The following DPP10 variants were observed in gnomAD, a reference collection of about 807,000 sequenced individuals.
DPP10 encodes the protein inactive dipeptidyl peptidase 10.
In DPP10, 33 loss-of-function variants were observed where a neutral mutation model predicts 120.9. The observed-to-expected ratio is 0.27, with a 90% CI of 0.21 to 0.37. The LOEUF (loss-of-function observed/expected upper bound fraction) is 0.37, where lower values mean the gene tolerates loss of function less well. Ranked by LOEUF, DPP10 falls within the 10% of genes least tolerant of loss-of-function variation. DPP10 has a pLI of 1.00. For synonymous variants in DPP10, 337 were observed against 326.1 expected, an observed-to-expected ratio of 1.03 and a Z score of -0.36; for missense variants, 816 against 942.8, an observed-to-expected ratio of 0.87 and a Z score of 1.76.
chr2:115,348,803 T>TAAAGG (rs2063843257), intron 3 of DPP10, among the ~76,000 whole-genome samples: 1 of 152,158 alleles, frequency 6.6e-6, no homozygotes, highest in Admixed American at 6.6e-5. Flanking sequence ...GTGTGTCCTT[T>TAAAGG]ACTCACCCCA....
intron 3 of DPP10, among the ~76,000 whole-genome samples, chr2:115,381,592 G>T (rs968028391): frequency 7.2e-5 from 11 of 152,214 alleles, no homozygotes; most frequent in African/African-American, 2.4e-4. Context: ...TCCATTGCTG[G>T]TGAGGAACTG....
intron 1 of DPP10, among the ~76,000 whole-genome samples, chr2:114,788,560 C>T (rs756925856): frequency 2.0e-5 from 3 of 152,054 alleles, no homozygotes; most frequent in African/African-American, 4.8e-5. Context: ...GGACTACAGG[C>T]GCCCACCACC....
chr2:115,326,632 A>G (rs2062381499), intron 2 of DPP10, among the ~76,000 whole-genome samples: 2 of 152,038 alleles, frequency 1.3e-5, no homozygotes, highest in Admixed American at 6.6e-5. Flanking sequence ...GGAATAGGAT[A>G]TGAAGGTGGA....
chr2:114,495,191 A>G (rs545410746), intron 1 of DPP10, among the ~76,000 whole-genome samples: 11 of 152,296 alleles, frequency 7.2e-5, no homozygotes, highest in African/African-American at 2.6e-4. Flanking sequence ...TTATTGCTTA[A>G]AAGATGTCCT....
At chr2:115,803,398 G>A (rs561729147) in intron 19 of DPP10, among the ~76,000 whole-genome samples, 2 of 152,256 alleles carry the variant, frequency 1.3e-5, no homozygotes, top group Admixed American at 6.5e-5. Context: ...TTGACAGTCT[G>A]TGCCTTTTAA....
intron 1 of DPP10, among the ~76,000 whole-genome samples, chr2:114,571,636 A>G (rs1251750557): frequency 6.6e-6 from 1 of 152,138 alleles, no homozygotes; most frequent in Non-Finnish European, 1.5e-5. Context: ...ACGTCTCTAC[A>G]GAAAAATGTG....
At chr2:114,919,431 A>G (rs2106636236) in intron 1 of DPP10, among the ~76,000 whole-genome samples, 1 of 152,344 alleles carries the variant, frequency 6.6e-6, no homozygotes, top group African/African-American at 2.4e-5. Flanking sequence ...TAGCTCACAA[A>G]CTAGTCTTTT....
At chr2:115,055,339 T>G (rs927663900) in intron 1 of DPP10, among the ~76,000 whole-genome samples, 1 of 152,190 alleles carries the variant, frequency 6.6e-6, no homozygotes, top group African/African-American at 2.4e-5. Flanking sequence ...GCAATACTAA[T>G]AAAACTTACT....
intron 3 of DPP10, among the ~76,000 whole-genome samples, chr2:115,388,760 C>A (rs1021841506): frequency 6.6e-6 from 1 of 152,120 alleles, no homozygotes; most frequent in African/African-American, 2.4e-5. Flanking sequence ...GTGCTCAGTG[C>A]ATTCTGGAGA....
intron 1 of DPP10, among the ~76,000 whole-genome samples, chr2:115,214,243 T>A (rs1280164737): frequency 6.6e-6 from 1 of 152,188 alleles, no homozygotes; most frequent in Non-Finnish European, 1.5e-5. Flanking sequence ...GAAAGCTACA[T>A]CCCATGAAGA....
At chr2:115,270,115 G>GACACAC (rs1559343030) in intron 1 of DPP10, among the ~76,000 whole-genome samples, 1 of 70,462 alleles carries the variant, frequency 1.4e-5, no homozygotes, top group African/African-American at 6.1e-5. Flanking sequence ...CACACACACA[G>GACACAC]ACACACACAC....
intron 1 of DPP10, among the ~76,000 whole-genome samples, chr2:114,559,533 G>C (rs1688584971): frequency 6.6e-6 from 1 of 152,158 alleles, no homozygotes; most frequent in South Asian, 2.1e-4. Flanking sequence ...CACTAATTTT[G>C]TGGTAATTTG....
At chr2:114,896,539 C>G (rs1441305181) in intron 1 of DPP10, among the ~76,000 whole-genome samples, 4 of 151,904 alleles carry the variant, frequency 2.6e-5, no homozygotes, top group Non-Finnish European at 5.9e-5. Flanking sequence ...CTCTGTTTGT[C>G]TGTTATTGGT....
chr2:115,723,948 T>C (rs1171701933), intron 7 of DPP10, among the ~76,000 whole-genome samples: 1 of 152,206 alleles, frequency 6.6e-6, no homozygotes, highest in Non-Finnish European at 1.5e-5. Flanking sequence ...CATTTTCAAA[T>C]TTAAAATTGT....
chr2:115,769,411 A>G (rs1381063216), intron 13 of DPP10, among the ~76,000 whole-genome samples: 1 of 152,120 alleles, frequency 6.6e-6, no homozygotes, highest in Non-Finnish European at 1.5e-5. Flanking sequence ...TTAATGCTTT[A>G]GAGTCTCAAA....
At chr2:114,921,673 A>C (rs1695205060) in intron 1 of DPP10, among the ~76,000 whole-genome samples, 1 of 152,212 alleles carries the variant, frequency 6.6e-6, no homozygotes, top group Non-Finnish European at 1.5e-5. Flanking sequence ...TCTATTTCTT[A>C]TCACTGTATT....
rs534875576 is a variant in DPP10, at chr2:115,412,525, A to G, written c.271+68613A>G. On this transcript the variant is annotated intron_variant, in intron 3 of 25. Coordinates refer to ENST00000410059, the MANE Select transcript of DPP10 (RefSeq NM_020868.6). ...TTAAATTTGTTGTGAATTCTTCACA[A>G]TGAGACTTTTCATTTTCATTAGAAT... Among the ~76,000 whole-genome samples, 13 of 152,334 alleles carry G rather than the reference A, an allele frequency of 8.5e-5. No homozygotes were observed. The South Asian group carries it at 1.0e-3, about 12-fold the overall frequency.
intron 1 of DPP10, among the ~76,000 whole-genome samples, chr2:114,505,537 A>G (rs1376553294): frequency 6.6e-6 from 1 of 151,992 alleles, no homozygotes; most frequent in African/African-American, 2.4e-5. Context: ...CTGTTCCTCA[A>G]GTATCTCCAA....
chr2:114,519,354 CT>C (rs1048309626), intron 1 of DPP10, among the ~76,000 whole-genome samples: 6 of 152,200 alleles, frequency 3.9e-5, no homozygotes, highest in African/African-American at 1.4e-4. Flanking sequence ...ACTTTACTAG[CT>C]TTTATTTATT....
Sources: gnomAD v4.1 joint callset for allele counts (sites outside exome capture counted in the v4.1 genomes callset) on GRCh38, gnomAD v4.1.1 for gene constraint, MANE v1.5 for transcripts, NCBI Gene and HGNC (gene_info 2026-07-23, HGNC 2026-07-21) for gene names.